The following SSBP2 variants were observed in gnomAD, a reference collection of about 807,000 sequenced individuals.
SSBP2 encodes single-stranded DNA-binding protein 2.
A neutral mutation model predicts 61.8 loss-of-function variants in SSBP2; 17 were observed. The observed-to-expected ratio is 0.28, with a 90% CI of 0.19 to 0.41. The LOEUF (loss-of-function observed/expected upper bound fraction) is 0.41. Ranked by LOEUF, SSBP2 falls within the 10% of genes least tolerant of loss-of-function variation. The pLI is 1.00. For synonymous variants in SSBP2, 139 were observed against 141.3 expected, an observed-to-expected ratio of 0.98 and a Z score of 0.12; for missense variants, 310 against 458.7, an observed-to-expected ratio of 0.68 and a Z score of 2.96.
At chr5:81,651,983 T>C (rs970442647) in intron 1 of SSBP2, among the ~76,000 whole-genome samples, 2 of 151,836 alleles carry the variant, frequency 1.3e-5, no homozygotes, top group Non-Finnish European at 2.9e-5. Flanking sequence ...AAAAAAAACA[T>C]AGACTCAGGT....
intron 10 of SSBP2, among the ~76,000 whole-genome samples, chr5:81,459,131 T>C (rs996267639): frequency 1.3e-5 from 2 of 152,270 alleles, no homozygotes; most frequent in African/African-American, 4.8e-5. Flanking sequence ...CCTAATTCCT[T>C]ATGTTTCTCA....
rs1554085216 is a variant in SSBP2, at chr5:81,551,096, G to GGA, written c.283-37380_283-37379insTC. On this transcript the variant is annotated intron_variant, in intron 4 of 16. Coordinates refer to ENST00000320672, the MANE Select transcript of SSBP2 (RefSeq NM_012446.5). Reference sequence around the variant, plus strand: ...GGGTGACAGAACGAGACTCCATCTCGAAAAAAAAAAAAAAAAAAAGAAATC... The same window carrying GGA: ...GGGTGACAGAACGAGACTCCATCTCGGAAAAAAAAAAAAAAAAAAAAGAAATC... Among the ~76,000 whole-genome samples, 127 of 80,218 alleles carry GGA rather than the reference G, an allele frequency of 1.6e-3. 1 individual carries two copies. Among genetic ancestry groups the GGA allele is most frequent in the African/African-American group, 5.2e-3 (124 of 23,834 alleles). 52.6% of individuals were successfully genotyped at this position (80,218 alleles called of 152,430 possible). A position where few individuals can be genotyped will look rare whatever the true frequency, so the allele number is the denominator to read the frequency against.
chr5:81,529,212 T>TA (rs2154103036), intron 4 of SSBP2, among the ~76,000 whole-genome samples: 1 of 152,192 alleles, frequency 6.6e-6, no homozygotes, highest in African/African-American at 2.4e-5. Flanking sequence ...AGCTATGGGG[T>TA]AAAATCATCG....
chr5:81,474,333 T>C (rs1448635926), intron 7 of SSBP2, among the ~76,000 whole-genome samples, 163 bp downstream of exon 7: 30 of 152,194 alleles, frequency 2.0e-4, no homozygotes, highest in Admixed American at 1.9e-3. Context: ...TCATGCATAA[T>C]TAAGTGAGCT....
chr5:81,696,017 A>G (rs1453152740), intron 1 of SSBP2, among the ~76,000 whole-genome samples: 4 of 152,218 alleles, frequency 2.6e-5, no homozygotes, highest in Non-Finnish European at 5.9e-5. Flanking sequence ...AAATGTTAAT[A>G]TAAGGAAACA....
chr5:81,431,172 TAAGGCAAGAATATGATGTATAAA>T (rs1244172229), intron 15 of SSBP2, among the ~76,000 whole-genome samples: 1 of 152,160 alleles, frequency 6.6e-6, no homozygotes, highest in Non-Finnish European at 1.5e-5. Context: ...GTTTCATCAA[TAAGGCAAGAATATGATGTATAAA>T]AAGGACTTAG....
At chr5:81,662,512 T>C (rs1005838655) in intron 1 of SSBP2, among the ~76,000 whole-genome samples, 2 of 151,502 alleles carry the variant, frequency 1.3e-5, no homozygotes, top group Admixed American at 1.3e-4. Flanking sequence ...TTATGAAAAT[T>C]ACAACTTCTG....
chr5:81,447,389 C>G, intron 11 of SSBP2, among the ~76,000 whole-genome samples: 1 of 152,128 alleles, frequency 6.6e-6, no homozygotes, highest in Non-Finnish European at 1.5e-5. Flanking sequence ...TCAATTGCAA[C>G]GTTTCTGGAG....
At chr5:81,563,977 A>G (rs926533425) in intron 4 of SSBP2, among the ~76,000 whole-genome samples, 3 of 152,206 alleles carry the variant, frequency 2.0e-5, no homozygotes, top group Non-Finnish European at 2.9e-5. Context: ...TGCAAACCAT[A>G]TATCTAATAT....
chr5:81,742,241 T>C (rs532239124), intron 1 of SSBP2, among the ~76,000 whole-genome samples: 1 of 152,172 alleles, frequency 6.6e-6, no homozygotes, highest in Admixed American at 6.5e-5. Flanking sequence ...CTGTCAAAAA[T>C]TCACATTAAA....
chr5:81,608,075 G>A (rs933062388), intron 4 of SSBP2, among the ~76,000 whole-genome samples: 4 of 151,714 alleles, frequency 2.6e-5, no homozygotes, highest in African/African-American at 9.7e-5. Context: ...TCTATCCCCA[G>A]GCCTCAATTC....
At chr5:81,583,681 T>C (rs1408433693) in intron 4 of SSBP2, among the ~76,000 whole-genome samples, 1 of 151,194 alleles carries the variant, frequency 6.6e-6, no homozygotes, top group African/African-American at 2.4e-5. Context: ...CATCAGAATA[T>C]GTCTTTCCAT....
chr5:81,507,926 A>G (rs1252638396), intron 5 of SSBP2, among the ~76,000 whole-genome samples: 1 of 152,148 alleles, frequency 6.6e-6, no homozygotes, highest in Non-Finnish European at 1.5e-5. Context: ...AATTATTTTG[A>G]TCATTATACA....
chr5:81,634,382 A>G (rs73135635), intron 3 of SSBP2, among the ~76,000 whole-genome samples: 8,148 of 152,156 alleles, frequency 0.054, 382 homozygotes, highest in African/African-American at 0.12. Context: ...AGATTGAACC[A>G]ATGTATTTCT....
At chr5:81,628,253 G>A (rs934662867) in intron 3 of SSBP2, among the ~76,000 whole-genome samples, 5 of 152,116 alleles carry the variant, frequency 3.3e-5, no homozygotes, top group Admixed American at 3.3e-4. Flanking sequence ...TGAGCGAAGG[G>A]GGAAGCCCCT....
chr5:81,675,322 T>C lies in SSBP2; in HGVS notation c.63-24983A>G, dbSNP rs563670568. Among the ~76,000 whole-genome samples the C allele has an allele frequency of 2.0e-5, 3 of 152,284 alleles. No individual in the cohort carries two copies. The East Asian group carries it at 5.8e-4, about 29-fold the overall frequency. On this transcript the variant is annotated intron_variant, in intron 1 of 16. Coordinates refer to ENST00000320672, the MANE Select transcript of SSBP2 (RefSeq NM_012446.5). Reference sequence around the variant, plus strand: ...TTAAAACTGGGTACATTCACTTGCCTAAAGTTTGGCCAAAGAGTTGTAGAT... The same window carrying C: ...TTAAAACTGGGTACATTCACTTGCCCAAAGTTTGGCCAAAGAGTTGTAGAT...
At chr5:81,429,736 T>G (rs1050487764) in intron 15 of SSBP2, among the ~76,000 whole-genome samples, 3 of 152,208 alleles carry the variant, frequency 2.0e-5, no homozygotes, top group Non-Finnish European at 4.4e-5. Context: ...AATTTTGTCT[T>G]AACTACAACA....
At chr5:81,652,755 ATT>A (rs59159556) in intron 1 of SSBP2, among the ~76,000 whole-genome samples, 10 of 148,054 alleles carry the variant, frequency 6.8e-5, no homozygotes, top group African/African-American at 2.2e-4. Flanking sequence ...GCAATCTCCA[ATT>A]TTTTTTTTTC....
chr5:81,691,688 G>C (rs1581357049), intron 1 of SSBP2, among the ~76,000 whole-genome samples: 1 of 152,048 alleles, frequency 6.6e-6, no homozygotes, highest in Non-Finnish European at 1.5e-5. Flanking sequence ...TAGAAGAGGA[G>C]GGAAGACTTC....
Sources: allele counts gnomAD v4.1 joint callset (sites outside exome capture counted in the v4.1 genomes callset), GRCh38; gene constraint gnomAD v4.1.1; transcripts MANE v1.5; gene names NCBI Gene and HGNC (gene_info 2026-07-23, HGNC 2026-07-21).